Variants in AP2B1 observed in about 807,000 individuals in gnomAD.
AP2B1 encodes the protein AP-2 complex subunit beta.
Under a neutral mutation model 102.0 loss-of-function variants are expected in AP2B1, and 23 were observed. That is an observed-to-expected ratio of 0.23 (90% confidence interval 0.16 to 0.32). The LOEUF is 0.32. Among genes scored for constraint, AP2B1 ranks in the 10% least tolerant of loss-of-function variants. The probability of loss-of-function intolerance (pLI) is 1.00; values close to 1 mark genes in which losing one functional copy is unlikely to be tolerated. For missense variants in AP2B1, 541 were observed against 1,157.4 expected (o/e 0.47, Z 7.73); for synonymous variants, 381 against 421.2 (o/e 0.90, Z 1.17).
chr17:35,675,630 T>G (rs537517042), intron 17 of AP2B1, among the ~76,000 whole-genome samples: 1 of 151,724 alleles, frequency 6.6e-6, no homozygotes, highest in Non-Finnish European at 1.5e-5. Flanking sequence ...CTTTTTTTTT[T>G]TCCTTTTTTT....
chr17:35,690,380 G>A (rs1165667775), intron 18 of AP2B1, among the ~76,000 whole-genome samples: 2 of 152,212 alleles, frequency 1.3e-5, no homozygotes, highest in East Asian at 1.9e-4. Flanking sequence ...CTTTCTGCAA[G>A]CCTTGTGGGG....
intron 18 of AP2B1, among the ~76,000 whole-genome samples, chr17:35,683,359 T>C (rs1567977904): frequency 6.6e-6 from 1 of 152,250 alleles, no homozygotes; most frequent in African/African-American, 2.4e-5. Context: ...GAAACTTTTT[T>C]CTTAACTTCT....
Position 35,696,494 on chromosome 17 carries a change from G to A in AP2B1, c.2455-12730G>A, listed in dbSNP as rs1017731020. On this transcript the variant is annotated intron_variant, in intron 18 of 21. Transcript: ENST00000610402. ...GCCATCTTGGCTCACTGCAACCTTC[G>A]CCTCCCAGGTTCAGCCTCCCGAGTA... Among the ~76,000 whole-genome samples the A allele has an allele frequency of 4.2e-5, 6 of 144,148 alleles. No individual in the cohort carries two copies. In the East Asian group the frequency reaches 6.1e-4, roughly 15 times the overall value. The allele number at this position is 144,148 out of a possible 152,430, so 94.6% of individuals were successfully genotyped here. A position where few individuals can be genotyped will look rare whatever the true frequency, so the allele number is the denominator to read the frequency against.
intron 14 of AP2B1, among the ~76,000 whole-genome samples, chr17:35,667,591 T>C (rs1355205945): frequency 2.0e-5 from 3 of 152,234 alleles, no homozygotes; most frequent in Non-Finnish European, 4.4e-5. Flanking sequence ...CATTCAACGA[T>C]AAAAAGAATG....
intron 18 of AP2B1, among the ~76,000 whole-genome samples, chr17:35,684,877 T>C (rs2075898946): frequency 2.0e-5 from 3 of 152,110 alleles, no homozygotes; most frequent in African/African-American, 4.8e-5. Flanking sequence ...AATTTTCTGC[T>C]CTTAAAATGA....
chr17:35,673,334 G>A (rs980328303), intron 16 of AP2B1, among the ~76,000 whole-genome samples: 3 of 151,974 alleles, frequency 2.0e-5, no homozygotes, highest in Admixed American at 6.6e-5. Flanking sequence ...ACAGGCGCCC[G>A]CCACCACTCC....
chr17:35,713,243 A>C (rs2076486939), intron 20 of AP2B1, among the ~76,000 whole-genome samples: 1 of 152,206 alleles, frequency 6.6e-6, no homozygotes, highest in South Asian at 2.1e-4. Flanking sequence ...AGGTGCTCCA[A>C]ATACCAATGA....
At chr17:35,597,146 T>C (rs990785644) in intron 2 of AP2B1, 5 of 490,476 alleles carry the variant, frequency 1.0e-5, no homozygotes, top group Non-Finnish European at 1.9e-5. Flanking sequence ...CCACTGTTTC[T>C]ATGCTGGTAA....
intron 11 of AP2B1, among the ~76,000 whole-genome samples, chr17:35,640,912 G>T (rs225269): frequency 0.48 from 72,868 of 152,046 alleles, 17,521 homozygotes; most frequent in East Asian, 0.52. Flanking sequence ...ATCTTTGGAT[G>T]AAAATTCTGA....
intron 14 of AP2B1, among the ~76,000 whole-genome samples, chr17:35,665,272 C>T (rs565842022): frequency 3.3e-5 from 5 of 151,840 alleles, no homozygotes; most frequent in African/African-American, 4.8e-5. Context: ...GGTCTACAGG[C>T]GCCCACCACT....
At position 35,641,926 on chromosome 17, in the gene AP2B1, C is replaced by T. The variant is rs774044212; in HGVS notation, c.1487C>T (p.Pro496Leu). The part of the protein sequence containing the change: ...TAIVKLFLKK[P>L]SETQELVQQV... The stretch of plus-strand genomic sequence containing the variant: ...ATAGTGAAGCTGTTTCTCAAGAAAC[C>T]ATCAGAAACACAGGAGCTAGTCCAG... The change falls in exon 12 of 22, where the codon CCA becomes CTA. Residue 496 changes from proline to leucine, a missense_variant. Around this residue, in one of 10 missense-constraint regions of AP2B1, gnomAD observed 106 missense variants for 296.4 expected, o/e 0.36. Transcript: ENST00000610402. 6.2e-7 allele frequency: 1 copy of T among 1,612,380 alleles called. No individual in the cohort carries two copies. Among genetic ancestry groups the T allele is most frequent in the South Asian group, 1.1e-5 (1 of 90,912 alleles).
chr17:35,624,713 G>T, intron 6 of AP2B1, 126 bp downstream of exon 6: 2 of 765,346 alleles, frequency 2.6e-6, no homozygotes, highest in East Asian at 2.7e-5. Context: ...CTATCTCCAG[G>T]GTATTTTCTC....
intron 9 of AP2B1, 57 bp downstream of exon 9, chr17:35,627,783 C>CT (rs1360976370): frequency 2.2e-6 from 3 of 1,391,468 alleles, no homozygotes; most frequent in Non-Finnish European, 3.0e-6. Flanking sequence ...GTTCTCTTCA[C>CT]TTTTTTCTTT....
chr17:35,628,715 A>G (rs1201132715), intron 9 of AP2B1, among the ~76,000 whole-genome samples: 2 of 152,214 alleles, frequency 1.3e-5, no homozygotes, highest in African/African-American at 4.8e-5. Flanking sequence ...AGTTTACTTC[A>G]TACACCCACC....
chr17:35,599,354 A>T (rs1035126997), intron 3 of AP2B1, among the ~76,000 whole-genome samples: 1 of 152,220 alleles, frequency 6.6e-6, no homozygotes, highest in Non-Finnish European at 1.5e-5. Flanking sequence ...AAGGGAAAAA[A>T]ATTGACAATG....
rs1555594753 is a variant in AP2B1 at position 35,724,988 on chromosome 17, G to T, written c.*1289G>T. ...CCCACTTATTGAGGCCAGCAGAATA[G>T]GTGCAGAGATGAAGTGAGCTTAGAG... is the stretch of plus-strand genomic sequence containing the variant. On this transcript the variant is annotated 3_prime_UTR_variant, in exon 22 of 22. Transcript: ENST00000610402. 6.6e-6 allele frequency: 1 copy of T among 152,210 alleles called. No homozygotes were observed. The highest frequency in any genetic ancestry group is 2.4e-5 in the African/African-American group (1 of 41,434). 9.4% of individuals were successfully genotyped at this position (152,210 alleles called of 1,614,324 possible).
intron 9 of AP2B1, among the ~76,000 whole-genome samples, chr17:35,630,824 C>T (rs1426749528): frequency 1.3e-5 from 2 of 152,158 alleles, no homozygotes; most frequent in Non-Finnish European, 2.9e-5. Context: ...TAAGGTCACC[C>T]TTCAGGAATC....
At chr17:35,649,116 G>C (rs900102162) in intron 12 of AP2B1, among the ~76,000 whole-genome samples, 1 of 152,092 alleles carries the variant, frequency 6.6e-6, no homozygotes, top group Non-Finnish European at 1.5e-5. Flanking sequence ...AAGTCAGGCA[G>C]TGTATTGTTA....
intron 1 of AP2B1, among the ~76,000 whole-genome samples, chr17:35,590,846 C>G (rs1309114893): frequency 6.6e-6 from 1 of 152,078 alleles, no homozygotes; most frequent in Non-Finnish European, 1.5e-5. Flanking sequence ...AAAGGTATGA[C>G]TTAAGACTTA....
Sources: gnomAD v4.1 joint callset for allele counts (sites outside exome capture counted in the v4.1 genomes callset) on GRCh38, gnomAD v4.1.1 for gene constraint, gnomAD v4.1.1 regional missense constraint, MANE v1.5 for transcripts, NCBI Gene and HGNC (gene_info 2026-07-23, HGNC 2026-07-21) for gene names.